Variants in ZNF362 observed in about 807,000 individuals in gnomAD.
The protein encoded by ZNF362 is rotund homolog.
A neutral mutation model predicts 42.9 loss-of-function variants in ZNF362; 11 were observed. That is an observed-to-expected ratio of 0.26 (90% CI 0.16 to 0.42). ZNF362 has a LOEUF of 0.42. Ranked by LOEUF, ZNF362 falls within the 20% of genes least tolerant of loss-of-function variation. The pLI is 1.00. For synonymous variants in ZNF362, 255 were observed against 257.3 expected (o/e 0.99, Z 0.09); for missense variants, 362 against 576.2 (o/e 0.63, Z 3.81).
the ZNF362 span, among the ~76,000 whole-genome samples, chr1:33,225,199 A>T: frequency 2.0e-5 from 3 of 152,130 alleles, no homozygotes; most frequent in South Asian, 6.2e-4. Context: ...TGCCCTCATC[A>T]TCTTTAAGTC....
the ZNF362 span, among the ~76,000 whole-genome samples, chr1:33,178,721 G>T: frequency 6.6e-6 from 1 of 152,242 alleles, no homozygotes; most frequent in African/African-American, 2.4e-5. Flanking sequence ...GCCCACAGCA[G>T]GTTTGGAACC....
chr1:33,180,397 A>G, the ZNF362 span, among the ~76,000 whole-genome samples: 2 of 151,898 alleles, frequency 1.3e-5, no homozygotes, highest in Non-Finnish European at 2.9e-5. Flanking sequence ...TTAACCCCTC[A>G]TACACCTTGG....
In ZNF362 at chr1:33,281,948, C is replaced by G; in HGVS notation, c.908+137C>G. 1.3e-6 allele frequency: 1 copy of G among 774,976 alleles called. No homozygotes were observed. Among genetic ancestry groups the G allele is most frequent in the Non-Finnish European group, 2.1e-6 (1 of 478,922 alleles). The allele number at this position is 774,976 out of a possible 1,614,324, so 48.0% of individuals were successfully genotyped here. A position where few individuals can be genotyped will look rare whatever the true frequency, so the allele number is the denominator to read the frequency against. On this transcript the variant is annotated intron_variant, in intron 6 of 8. Transcript: ENST00000539719. This position sits in a 1 kb window ranked among gnomAD's most constrained non-coding sequence, Gnocchi z 4.8. The stretch of plus-strand genomic sequence containing the variant: ...CCTCGGGGTCACGGCCCTTGTGGAC[C>G]TCACTGGCCTCAGCTGTTGTTACTG...
chr1:33,161,040 C>T, the ZNF362 span, among the ~76,000 whole-genome samples: 3 of 152,208 alleles, frequency 2.0e-5, no homozygotes, highest in Admixed American at 6.5e-5. This position sits in a 1 kb window ranked among gnomAD's most constrained non-coding sequence, Gnocchi z 4.3. Context: ...GCTATGGCAA[C>T]GTCAGTTGCC....
the ZNF362 span, among the ~76,000 whole-genome samples, chr1:33,207,395 A>G: frequency 6.6e-6 from 1 of 152,140 alleles, no homozygotes; most frequent in Non-Finnish European, 1.5e-5. Context: ...ATTGTGAATA[A>G]TGCCGCAATA....
the ZNF362 span, among the ~76,000 whole-genome samples, chr1:33,193,004 C>CACACACACACACACACATATATATATAT: frequency 2.9e-5 from 4 of 137,294 alleles, no homozygotes; most frequent in East Asian, 4.5e-4. Flanking sequence ...CACACACACA[C>CACACACACACACACACATATATATATAT]ATATATATAT....
chr1:33,218,940 C>G, the ZNF362 span, among the ~76,000 whole-genome samples: 1 of 18,428 alleles, frequency 5.4e-5, no homozygotes, highest in Admixed American at 6.8e-4. Context: ...CATACACACA[C>G]ACACACACAC....
At chr1:33,259,288 G>C (rs1306029267) in intron 1 of ZNF362, among the ~76,000 whole-genome samples, 1 of 152,182 alleles carries the variant, frequency 6.6e-6, no homozygotes, top group African/African-American at 2.4e-5. Flanking sequence ...TGGTGTCATG[G>C]AATAACGGCC....
chr1:33,135,771 T>C, the ZNF362 span, among the ~76,000 whole-genome samples: 1 of 152,234 alleles, frequency 6.6e-6, no homozygotes, highest in Non-Finnish European at 1.5e-5. Flanking sequence ...CCTCAACCTA[T>C]GTGCTATCTT....
At chr1:33,196,529 T>G in the ZNF362 span, among the ~76,000 whole-genome samples, 2 of 152,212 alleles carry the variant, frequency 1.3e-5, no homozygotes, top group Admixed American at 6.5e-5. Flanking sequence ...GGTAATAACA[T>G]GCATGGAGCT....
chr1:33,157,689 G>C, the ZNF362 span, among the ~76,000 whole-genome samples: 1 of 151,896 alleles, frequency 6.6e-6, no homozygotes. Flanking sequence ...AGTCTATGAA[G>C]TGTCCAGGCC....
chr1:33,255,374 G>T (rs1017271473), upstream of ZNF362, among the ~76,000 whole-genome samples: 1 of 152,222 alleles, frequency 6.6e-6, no homozygotes, highest in Non-Finnish European at 1.5e-5. Flanking sequence ...GCCCTTCCCG[G>T]GGGACTGTGC....
At chr1:33,191,820 G>A in the ZNF362 span, among the ~76,000 whole-genome samples, 1 of 152,196 alleles carries the variant, frequency 6.6e-6, no homozygotes, top group South Asian at 2.1e-4. Flanking sequence ...TTTAAGCAGA[G>A]ATAGTACCTC....
rs1211664866 is a variant in ZNF362, at chr1:33,300,706, G to T, written c.*1660G>T. ...ATTTCTCTGTTGTGAAGAATAAACT[G>T]TACCTGCACCCGGGTGGCGGTGGTG... is the stretch of plus-strand genomic sequence containing the variant. On this transcript the variant is annotated 3_prime_UTR_variant, in exon 9 of 9. Coordinates refer to ENST00000539719, the MANE Select transcript of ZNF362 (RefSeq NM_152493.3). 2.0e-5 allele frequency: 3 copies of T among 152,144 alleles called. No homozygotes were observed. The highest frequency in any genetic ancestry group is 7.2e-5 in the African/African-American group (3 of 41,410). The allele number at this position is 152,144 out of a possible 1,614,324, so 9.4% of individuals were successfully genotyped here.
the ZNF362 span, chr1:33,159,545 T>C: frequency 1.6e-6 from 2 of 1,240,864 alleles, no homozygotes; most frequent in Non-Finnish European, 1.1e-6. This position sits in a 1 kb window ranked among gnomAD's most constrained non-coding sequence, Gnocchi z 4.2. Context: ...CTCCTACCCA[T>C]AGCAGATGTC....
the ZNF362 span, among the ~76,000 whole-genome samples, chr1:33,208,452 T>C: frequency 5.8e-3 from 889 of 152,290 alleles, 10 homozygotes; most frequent in African/African-American, 0.02. Context: ...GTCGTTTTTT[T>C]CCAATTCTGT....
the ZNF362 span, among the ~76,000 whole-genome samples, chr1:33,186,036 A>G: frequency 6.6e-6 from 1 of 152,178 alleles, no homozygotes; most frequent in Admixed American, 6.5e-5. Context: ...CTCATTATTT[A>G]TGGATTCCAT....
chr1:33,276,129 A>G lies in ZNF362; in HGVS notation c.68A>G (p.Tyr23Cys), dbSNP rs780598515. 6.2e-7 allele frequency: 1 copy of G among 1,613,714 alleles called. No individual in the cohort carries two copies. Among genetic ancestry groups the G allele is most frequent in the African/African-American group, 1.3e-5 (1 of 74,872 alleles). ...RMAEPRFNNP[Y>C]FWPPPPTMPS... ...GCCGAGCCTCGATTTAACAACCCCT[A>G]CTTCTGGCCCCCTCCTCCCACCATG... The change falls in exon 3 of 9, where the codon TAC (tyrosine) becomes TGC (cysteine). Residue 23 changes from tyrosine (Y) to cysteine (C), a missense_variant. Around this residue, in one of 3 missense-constraint regions of ZNF362, gnomAD observed 266 missense variants for 365.4 expected, o/e 0.73. Coordinates refer to ENST00000539719, the MANE Select transcript of ZNF362 (RefSeq NM_152493.3).
the ZNF362 span, chr1:33,158,365 G>A: frequency 1.2e-6 from 2 of 1,613,404 alleles, no homozygotes; most frequent in Non-Finnish European, 1.7e-6. Context: ...TTTTTCCCTT[G>A]AGCCTGGAAG....
Sources: gnomAD v4.1 joint callset for allele counts (sites outside exome capture counted in the v4.1 genomes callset) on GRCh38, gnomAD v4.1.1 for gene constraint, gnomAD v4.1.1 regional missense constraint, Gnocchi (gnomAD v3.1) non-coding constraint, MANE v1.5 for transcripts, NCBI Gene and HGNC (gene_info 2026-07-23, HGNC 2026-07-21) for gene names.